The following TSPEAR variants were observed in gnomAD, a reference collection of about 807,000 sequenced individuals.
TSPEAR encodes thrombospondin-type laminin G domain and EAR repeat-containing protein.
TSPEAR carries 69 observed loss-of-function variants against 71.6 expected under a neutral mutation model. The observed-to-expected ratio is 0.96, with a 90% CI of 0.79 to 1.18. The LOEUF (loss-of-function observed/expected upper bound fraction) is 1.18, where lower values mean the gene tolerates loss of function less well. Among genes scored for constraint, TSPEAR ranks in the 50% most tolerant of loss-of-function variants. The probability of loss-of-function intolerance (pLI) is 0.00; values close to 1 mark genes in which losing one functional copy is unlikely to be tolerated. For synonymous variants in TSPEAR, 402 were observed against 387.2 expected, an observed-to-expected ratio of 1.04 and a Z score of -0.45; for missense variants, 971 against 894.9, an observed-to-expected ratio of 1.09 and a Z score of -1.09.
At chr21:44,509,755 C>G (rs2052313699) in intron 9 of TSPEAR, 1 of 268,272 alleles carries the variant, frequency 3.7e-6, no homozygotes, top group African/African-American at 2.2e-5. Flanking sequence ...CCAGCTGTGC[C>G]CAGCCCTGCC....
chr21:44,692,774 C>A (rs1259808397), intron 1 of TSPEAR, among the ~76,000 whole-genome samples: 1 of 151,942 alleles, frequency 6.6e-6, no homozygotes, highest in East Asian at 1.9e-4. Context: ...GTTAAAATGG[C>A]AGTACTACCC....
chr21:44,618,105 A>T (rs1982223697), intron 1 of TSPEAR, among the ~76,000 whole-genome samples: 1 of 152,198 alleles, frequency 6.6e-6, no homozygotes. Flanking sequence ...CCCCATCCAA[A>T]TCTCATCTTG....
chr21:44,504,375 T>C (rs1255669518), intron 11 of TSPEAR, among the ~76,000 whole-genome samples: 3 of 131,382 alleles, frequency 2.3e-5, no homozygotes, highest in Non-Finnish European at 3.2e-5. Flanking sequence ...AGCAAGTCTC[T>C]TGGAGGAAGC....
chr21:44,653,636 A>G (rs587640520), intron 1 of TSPEAR, among the ~76,000 whole-genome samples: 2 of 152,400 alleles, frequency 1.3e-5, no homozygotes, highest in Non-Finnish European at 2.9e-5. Context: ...TGGGTTGCAC[A>G]TACCAGCTAA....
At chr21:44,540,794 C>T (rs906040796) in intron 2 of TSPEAR, among the ~76,000 whole-genome samples, 11 of 152,180 alleles carry the variant, frequency 7.2e-5, no homozygotes, top group Non-Finnish European at 1.6e-4. Flanking sequence ...TGCCCCTCCC[C>T]ACGGCCTTCC....
intron 2 of TSPEAR, chr21:44,550,558 C>A (rs2053394998): frequency 1.5e-6 from 2 of 1,355,696 alleles, no homozygotes; most frequent in African/African-American, 1.6e-5. Flanking sequence ...GCATCTGAGA[C>A]CCCGGGGCTG....
At chr21:44,657,898 A>T in intron 1 of TSPEAR, 1 of 1,377,122 alleles carries the variant, frequency 7.3e-7, no homozygotes, top group Non-Finnish European at 1.0e-6. Context: ...AGATGACAGG[A>T]CCCAGGTATA....
intron 2 of TSPEAR, chr21:44,558,420 C>T: frequency 6.2e-7 from 1 of 1,614,006 alleles, no homozygotes; most frequent in Non-Finnish European, 8.5e-7. Context: ...AGGCACGCAG[C>T]AGGCCTGCTG....
At chr21:44,505,510 C>T (rs371794997) in intron 10 of TSPEAR, among the ~76,000 whole-genome samples, 11 of 143,344 alleles carry the variant, frequency 7.7e-5, no homozygotes, top group East Asian at 2.1e-4. Flanking sequence ...ACCTCCAGAA[C>T]GCCTTCATCC....
At chr21:44,653,177 G>A (rs1383932675) in intron 1 of TSPEAR, among the ~76,000 whole-genome samples, 1 of 151,974 alleles carries the variant, frequency 6.6e-6, no homozygotes, top group Admixed American at 6.6e-5. Flanking sequence ...AAAGATAAAT[G>A]ATGCTAGTCC....
At chr21:44,627,379 G>T in intron 1 of TSPEAR, 1 of 1,613,834 alleles carries the variant, frequency 6.2e-7, no homozygotes, top group South Asian at 1.1e-5. Context: ...CTGCCAATCA[G>T]GCTGCACCAG....
At chr21:44,601,855 G>C in intron 1 of TSPEAR, 1 of 1,368,398 alleles carries the variant, frequency 7.3e-7, no homozygotes, top group East Asian at 2.5e-5. Context: ...TCAGTGGTCA[G>C]CTGGCCATCC....
In TSPEAR at chr21:44,589,166, A is replaced by G. The variant is rs587673638; in HGVS notation, c.83-21161T>C. The stretch of plus-strand genomic sequence containing the variant: ...AACCTAAATAAAATATAAAATAAAA[A>G]TAAAAAATAAAAAACCAAAATAGAA... On this transcript the variant is annotated intron_variant, in intron 1 of 11. Transcript: ENST00000323084. Among the ~76,000 whole-genome samples the G allele has an allele frequency of 1.5e-3, 224 of 152,358 alleles. 1 individual carries two copies. Among genetic ancestry groups the G allele is most frequent in the African/African-American group, 5.3e-3 (220 of 41,576 alleles).
intron 1 of TSPEAR, among the ~76,000 whole-genome samples, chr21:44,689,394 C>T (rs1227577316): frequency 2.1e-4 from 32 of 151,084 alleles, no homozygotes; most frequent in Middle Eastern, 3.4e-3. Context: ...CCCAGCTACT[C>T]AGGAGGCTGA....
chr21:44,696,570 G>T (rs1385208143), intron 1 of TSPEAR, among the ~76,000 whole-genome samples: 2 of 152,132 alleles, frequency 1.3e-5, no homozygotes, highest in Non-Finnish European at 2.9e-5. Flanking sequence ...ATGACTGTTT[G>T]CCGAAAAAAA....
At chr21:44,650,081 T>C (rs1555941128) in intron 1 of TSPEAR, among the ~76,000 whole-genome samples, 1 of 152,002 alleles carries the variant, frequency 6.6e-6, no homozygotes, top group Admixed American at 6.6e-5. Context: ...ACAATTTAGC[T>C]GAACATGGTG....
At chr21:44,638,058 C>T (rs1555937553) in intron 1 of TSPEAR, 1 of 1,613,304 alleles carries the variant, frequency 6.2e-7, no homozygotes, top group Admixed American at 1.7e-5. Flanking sequence ...GCCTCTGCCT[C>T]CTCCTGCCAG....
intron 1 of TSPEAR, chr21:44,677,552 T>C: frequency 1.2e-6 from 1 of 860,318 alleles, no homozygotes; most frequent in Non-Finnish European, 2.0e-6. Flanking sequence ...TTATAGAAGA[T>C]GAGGATGCTT....
chr21:44,622,719 G>A (rs587643082), intron 1 of TSPEAR, among the ~76,000 whole-genome samples: 84 of 152,268 alleles, frequency 5.5e-4, no homozygotes, highest in Non-Finnish European at 1.9e-4. Context: ...CTATAACCCG[G>A]TATGACCTCA....
Sources: allele counts gnomAD v4.1 joint callset (sites outside exome capture counted in the v4.1 genomes callset), GRCh38; gene constraint gnomAD v4.1.1; transcripts MANE v1.5; gene names NCBI Gene and HGNC (gene_info 2026-07-23, HGNC 2026-07-21).